MBD5: variants seen among roughly 807,000 people sequenced by gnomAD.
MBD5 encodes the protein methyl-CpG-binding domain protein 5.
Under a neutral mutation model 117.3 loss-of-function variants are expected in MBD5, and 13 were observed. That is an observed-to-expected ratio of 0.11 (90% CI 0.07 to 0.18). The LOEUF (loss-of-function observed/expected upper bound fraction) is 0.18. Among genes scored for constraint, MBD5 ranks in the 10% least tolerant of loss-of-function variants. The probability of loss-of-function intolerance (pLI) is 1.00; values close to 1 mark genes in which losing one functional copy is unlikely to be tolerated. For synonymous variants in MBD5, 727 were observed against 766.4 expected, an observed-to-expected ratio of 0.95 and a Z score of 0.85; for missense variants, 1,879 against 2,093.8, an observed-to-expected ratio of 0.90 and a Z score of 2.00.
intron 12 of MBD5, among the ~76,000 whole-genome samples, chr2:148,507,587 G>A (rs894308960): frequency 6.6e-6 from 1 of 150,786 alleles, no homozygotes; most frequent in Admixed American, 6.6e-5. Context: ...GTGAAACCCC[G>A]TCTCTACTAA....
chr2:148,109,751 G>A (rs939300518), intron 1 of MBD5, among the ~76,000 whole-genome samples: 1 of 152,118 alleles, frequency 6.6e-6, no homozygotes, highest in Non-Finnish European at 1.5e-5. Context: ...TCTTGGGAAA[G>A]TGGCTTGGGA....
intron 3 of MBD5, among the ~76,000 whole-genome samples, chr2:148,336,758 T>C (rs1022353435): frequency 4.6e-5 from 7 of 152,182 alleles, no homozygotes; most frequent in Non-Finnish European, 8.8e-5. Context: ...TCAACACTTA[T>C]GGGTTTGCAT....
chr2:148,403,331 C>A (rs565993409), intron 4 of MBD5, among the ~76,000 whole-genome samples: 10 of 151,988 alleles, frequency 6.6e-5, no homozygotes, highest in Non-Finnish European at 1.2e-4. Flanking sequence ...AGGCACGCAC[C>A]ACCACACTCA....
intron 2 of MBD5, among the ~76,000 whole-genome samples, chr2:148,232,941 C>G (rs1345029926): frequency 1.3e-5 from 2 of 152,072 alleles, no homozygotes; most frequent in Admixed American, 6.6e-5. Flanking sequence ...AGCCCCCAAA[C>G]TTGGAGTAAA....
At chr2:148,036,252 A>G (rs1312223043) in intron 1 of MBD5, among the ~76,000 whole-genome samples, 1 of 152,142 alleles carries the variant, frequency 6.6e-6, no homozygotes, top group Non-Finnish European at 1.5e-5. Context: ...TGGAAAGACT[A>G]AAATTAGAAC....
intron 4 of MBD5, among the ~76,000 whole-genome samples, chr2:148,393,127 T>C (rs1704612147): frequency 6.6e-6 from 1 of 152,098 alleles, no homozygotes; most frequent in Non-Finnish European, 1.5e-5. Flanking sequence ...CCAAGGGAGC[T>C]AAAGATAAAG....
Position 148,458,576 on chromosome 2 carries a change from T to A in MBD5, c.-183T>A, listed in dbSNP as rs1021841261. Reference sequence around the variant, plus strand: ...TGTAGATTATAATGGGAAGCTGATTTTTTTCACAATGGCATATTTCAAGGA... The same window carrying A: ...TGTAGATTATAATGGGAAGCTGATTATTTTCACAATGGCATATTTCAAGGA... On this transcript the variant is annotated 5_prime_UTR_variant, in exon 5 of 14. Coordinates refer to ENST00000642680, the MANE Select transcript of MBD5 (RefSeq NM_001378120.1). The A allele has an allele frequency of 8.0e-6, 5 of 628,864 alleles. No individual in the cohort carries two copies. The Admixed American group carries it at 1.0e-4, about 13-fold the overall frequency. The allele number at this position is 628,864 out of a possible 1,614,324, so 39.0% of individuals were successfully genotyped here.
intron 3 of MBD5, among the ~76,000 whole-genome samples, chr2:148,333,177 T>C (rs898931765): frequency 1.3e-5 from 2 of 152,180 alleles, no homozygotes; most frequent in Non-Finnish European, 2.9e-5. Flanking sequence ...TCTTATTTTC[T>C]GTTTGTTTTA....
In MBD5 at chr2:148,253,529, G is replaced by A. The variant is rs1700513483; in HGVS notation, c.-680+20134G>A. On this transcript the variant is annotated intron_variant, in intron 3 of 13. Transcript: ENST00000642680. ...TTCAGACCACCCCAGTGAAGCAAAT[G>A]TTGCAATAAAGTGAACCATAGGATT... Among the ~76,000 whole-genome samples the A allele has an allele frequency of 1.3e-5, 2 of 152,170 alleles. 1 individual carries two copies. Among genetic ancestry groups the A allele is most frequent in the South Asian group, 4.1e-4 (2 of 4,826 alleles).
chr2:148,034,455 C>T (rs1026925604), intron 1 of MBD5, among the ~76,000 whole-genome samples: 4 of 152,094 alleles, frequency 2.6e-5, no homozygotes, highest in African/African-American at 7.2e-5. Context: ...GTTTAAAAAC[C>T]ATGATTATGA....
At chr2:148,417,288 CTTTTTTTTTT>C (rs745409695) in intron 4 of MBD5, among the ~76,000 whole-genome samples, 1 of 91,804 alleles carries the variant, frequency 1.1e-5, no homozygotes, top group African/African-American at 4.5e-5. Context: ...ATGCACAGCT[CTTTTTTTTTT>C]TTTTTTTTTT....
chr2:148,178,236 A>C (rs1478334627), intron 1 of MBD5, among the ~76,000 whole-genome samples: 1 of 152,134 alleles, frequency 6.6e-6, no homozygotes, highest in African/African-American at 2.4e-5. Context: ...TAGAATTTTG[A>C]ATTTTTCATG....
chr2:148,031,208 A>G (rs1251064456), intron 1 of MBD5, among the ~76,000 whole-genome samples: 1 of 152,206 alleles, frequency 6.6e-6, no homozygotes, highest in Admixed American at 6.5e-5. Context: ...ACTGGTTTGA[A>G]TAGAGGACAA....
At chr2:148,116,199 G>C (rs1014528615) in intron 1 of MBD5, among the ~76,000 whole-genome samples, 14 of 41,426 alleles carry the variant, frequency 3.4e-4, no homozygotes, top group African/African-American at 9.0e-4. Flanking sequence ...AATGTGGCTA[G>C]TACTGTTCCT....
rs540095936 is a variant in MBD5 at position 148,410,819 on chromosome 2, G to GT, written c.-556-47377dup. On this transcript the variant is annotated intron_variant, in intron 4 of 13. Coordinates refer to ENST00000642680, the MANE Select transcript of MBD5 (RefSeq NM_001378120.1). The stretch of plus-strand genomic sequence containing the variant: ...CCCAGGCTATCAGTCGAATTTTAAG[G>GT]TTTTTTTATGATTCTTTTGCAGAAG... Among the ~76,000 whole-genome samples, 162 of 152,168 alleles carry GT rather than the reference G, an allele frequency of 1.1e-3. 1 individual carries two copies. The highest frequency in any genetic ancestry group is 7.5e-3 in the South Asian group (36 of 4,810).
chr2:148,443,345 C>A (rs1342795492), intron 4 of MBD5, among the ~76,000 whole-genome samples: 1 of 151,126 alleles, frequency 6.6e-6, no homozygotes, highest in African/African-American at 2.5e-5. Flanking sequence ...AGGTTCCTCA[C>A]AAAACTAAAA....
intron 4 of MBD5, among the ~76,000 whole-genome samples, chr2:148,377,649 A>C (rs1704028332): frequency 6.6e-6 from 1 of 152,182 alleles, no homozygotes; most frequent in Admixed American, 6.5e-5. Flanking sequence ...ATCAAAACGT[A>C]ATAAATTATA....
intron 1 of MBD5, among the ~76,000 whole-genome samples, chr2:148,140,212 T>C (rs6430295): frequency 0.44 from 67,082 of 152,052 alleles, 14,921 homozygotes; most frequent in Middle Eastern, 0.55. Context: ...GTGTATATAA[T>C]GAAAAGCATC....
chr2:148,389,721 T>C (rs967698047), intron 4 of MBD5, among the ~76,000 whole-genome samples: 36 of 152,180 alleles, frequency 2.4e-4, no homozygotes, highest in African/African-American at 8.4e-4. Context: ...GTTGGATGTT[T>C]GTATGTCTTC....
Sources: gnomAD v4.1 joint callset for allele counts (sites outside exome capture counted in the v4.1 genomes callset) on GRCh38, gnomAD v4.1.1 for gene constraint, MANE v1.5 for transcripts, NCBI Gene and HGNC (gene_info 2026-07-23, HGNC 2026-07-21) for gene names.